Variants in PTPN12 observed in about 807,000 individuals in gnomAD.
The protein encoded by PTPN12 is protein tyrosine phosphatase non-receptor type 12.
PTPN12 carries 29 observed loss-of-function variants against 97.6 expected under a neutral mutation model. The observed-to-expected ratio is 0.30, with a 90% confidence interval of 0.22 to 0.41. The LOEUF is 0.41. Ranked by LOEUF, PTPN12 falls within the 10% of genes least tolerant of loss-of-function variation. The pLI is 1.00. For synonymous variants in PTPN12, 327 were observed against 300.4 expected (o/e 1.09, Z -0.91); for missense variants, 819 against 926.0 (o/e 0.88, Z 1.50).
intron 12 of PTPN12, among the ~76,000 whole-genome samples, chr7:77,620,579 A>G (rs1300781995): frequency 6.6e-6 from 1 of 152,256 alleles, no homozygotes; most frequent in Non-Finnish European, 1.5e-5. Flanking sequence ...TCACAAAATC[A>G]TAAGATTGAT....
intron 1 of PTPN12, chr7:77,538,067 G>A (rs1248906416): frequency 1.0e-6 from 1 of 997,292 alleles, no homozygotes; most frequent in Non-Finnish European, 1.2e-6. Context: ...TGACCGGGAG[G>A]AGTGCAGATC....
intron 1 of PTPN12, among the ~76,000 whole-genome samples, chr7:77,540,585 C>T (rs1414867078): frequency 6.6e-6 from 1 of 150,400 alleles, no homozygotes; most frequent in Non-Finnish European, 1.5e-5. Flanking sequence ...TCCATGATAC[C>T]TAGGTATAGC....
At chr7:77,545,267 T>C (rs573912750) in intron 1 of PTPN12, among the ~76,000 whole-genome samples, 3 of 152,318 alleles carry the variant, frequency 2.0e-5, no homozygotes, top group African/African-American at 7.2e-5. Context: ...TTGCCTCTAG[T>C]TTCTTTCCTC....
intron 1 of PTPN12, among the ~76,000 whole-genome samples, chr7:77,546,633 TTGGAGAAAG>T (rs368788622): frequency 6.6e-6 from 1 of 152,226 alleles, no homozygotes; most frequent in African/African-American, 2.4e-5. Flanking sequence ...AAAGTTTTTT[TTGGAGAAAG>T]TGGAGTGTGG....
chr7:77,613,237 C>G, intron 11 of PTPN12, among the ~76,000 whole-genome samples: 1 of 125,456 alleles, frequency 8.0e-6, no homozygotes, highest in Non-Finnish European at 1.6e-5. Flanking sequence ...TGCAGTAGCA[C>G]AGTCTCGGCT....
intron 4 of PTPN12, among the ~76,000 whole-genome samples, chr7:77,584,806 G>A (rs1787635731): frequency 1.3e-5 from 2 of 151,998 alleles, no homozygotes; most frequent in Non-Finnish European, 2.9e-5. Context: ...GAACCCGGGA[G>A]GCAGCGCTTG....
chr7:77,580,308 CAG>C (rs1441373421), intron 2 of PTPN12, among the ~76,000 whole-genome samples: 1 of 152,180 alleles, frequency 6.6e-6, no homozygotes, highest in Non-Finnish European at 1.5e-5. Flanking sequence ...GCCTGAGTGA[CAG>C]AGTGAGACCT....
chr7:77,585,703 G>C (rs1320920132), intron 5 of PTPN12, 122 bp downstream of exon 5: 2 of 744,596 alleles, frequency 2.7e-6, no homozygotes, highest in South Asian at 2.2e-5. Context: ...GGGTACTGCT[G>C]TTGCTTTTAT....
At chr7:77,538,293 G>T (rs535763561) in intron 1 of PTPN12, among the ~76,000 whole-genome samples, 7 of 152,290 alleles carry the variant, frequency 4.6e-5, no homozygotes, top group African/African-American at 1.7e-4. Flanking sequence ...TGAGGCCCAG[G>T]TTTGAGGTGG....
chr7:77,570,371 G>GA (rs1378868772), intron 1 of PTPN12, among the ~76,000 whole-genome samples: 1 of 152,204 alleles, frequency 6.6e-6, no homozygotes, highest in Non-Finnish European at 1.5e-5. Context: ...AGGCCTGAAA[G>GA]AAAGTTCCTT....
In PTPN12 at chr7:77,553,321, GT is replaced by G. The variant is rs1807561910; in HGVS notation, c.99+15678del. Among the ~76,000 whole-genome samples the G allele has an allele frequency of 2.0e-5, 3 of 152,204 alleles. No individual in the cohort carries two copies. The East Asian group carries it at 5.8e-4, about 29-fold the overall frequency. On this transcript the variant is annotated intron_variant, in intron 1 of 17. Transcript: ENST00000248594. ...ATATATCCAGTTGATTGATGATGCT[GT>G]TAAGTTCATCTGTGTCCTTACTCAT...
At chr7:77,585,373 G>GTCTAAT in intron 4 of PTPN12, 170 bp from the exon 5 acceptor site, 1 of 532,976 alleles carries the variant, frequency 1.9e-6, no homozygotes, top group Non-Finnish European at 3.3e-6. Flanking sequence ...TGTTTGGAAA[G>GTCTAAT]TCTAATTTTG....
At chr7:77,590,169 A>G (rs1427926819) in intron 5 of PTPN12, among the ~76,000 whole-genome samples, 1 of 152,206 alleles carries the variant, frequency 6.6e-6, no homozygotes, top group Admixed American at 6.5e-5. Context: ...CCCACCTTGC[A>G]GTGTTAGAGA....
chr7:77,539,888 A>G lies in PTPN12; in HGVS notation c.99+2243A>G, dbSNP rs965063638. 7.2e-5 allele frequency among the ~76,000 whole-genome samples: 11 copies of G among 152,126 alleles called. No homozygotes were observed. The East Asian group carries it at 1.9e-3, about 27-fold the overall frequency. ...AGAGATGGGGTTTCGCCATATTTGC[A>G]GGCTGCTCTCGAACTCCTCATCTCA... On this transcript the variant is annotated intron_variant, in intron 1 of 17. Transcript: ENST00000248594.
intron 11 of PTPN12, among the ~76,000 whole-genome samples, chr7:77,616,990 C>A (rs1457727776): frequency 2.6e-5 from 4 of 151,966 alleles, no homozygotes; most frequent in African/African-American, 9.7e-5. Context: ...CTATGTTGGC[C>A]AAGGCTGGTC....
intron 16 of PTPN12, 110 bp from the exon 17 acceptor site, chr7:77,638,514 A>G: frequency 2.3e-6 from 3 of 1,324,676 alleles, no homozygotes; most frequent in Non-Finnish European, 2.9e-6. Flanking sequence ...GGTGCCCAGG[A>G]GAGAAAGTTT....
At chr7:77,560,515 CTG>C (rs1265972966) in intron 1 of PTPN12, among the ~76,000 whole-genome samples, 2 of 152,272 alleles carry the variant, frequency 1.3e-5, no homozygotes, top group East Asian at 1.9e-4. Context: ...AGCTAAAACT[CTG>C]TTCCCATTAA....
chr7:77,544,349 G>A (rs999667950), intron 1 of PTPN12, among the ~76,000 whole-genome samples: 3 of 152,158 alleles, frequency 2.0e-5, no homozygotes, highest in African/African-American at 7.2e-5. Context: ...CACTGGTTTA[G>A]TTATGGTTTT....
chr7:77,634,059 G>T (rs1224073355), intron 14 of PTPN12, among the ~76,000 whole-genome samples: 1 of 152,038 alleles, frequency 6.6e-6, no homozygotes, highest in Non-Finnish European at 1.5e-5. Flanking sequence ...AATTAGCCAG[G>T]TGTGGTGGCA....
Sources: allele counts gnomAD v4.1 joint callset (sites outside exome capture counted in the v4.1 genomes callset), GRCh38; gene constraint gnomAD v4.1.1; transcripts MANE v1.5; gene names NCBI Gene and HGNC (gene_info 2026-07-23, HGNC 2026-07-21).